LCOR: variants seen among roughly 807,000 people sequenced by gnomAD.
LCOR encodes the protein ligand-dependent corepressor.
Under a neutral mutation model 64.4 loss-of-function variants are expected in LCOR, and 14 were observed. That is an observed-to-expected ratio of 0.22 (90% confidence interval 0.14 to 0.34). The LOEUF is 0.34. Ranked by LOEUF, LCOR falls within the 10% of genes least tolerant of loss-of-function variation. LCOR has a pLI of 1.00. For synonymous variants in LCOR, 643 were observed against 642.5 expected (o/e 1.00, Z -0.01); for missense variants, 1,686 against 1,765.3 (o/e 0.96, Z 0.80).
intron 2 of LCOR, among the ~76,000 whole-genome samples, chr10:96,870,045 G>T (rs10882853): frequency 0.35 from 52,784 of 151,112 alleles, 12,935 homozygotes; most frequent in African/African-American, 0.69. Flanking sequence ...TTCTTTGTTT[G>T]TTGTTGTTGT....
In LCOR at chr10:96,995,722, T is replaced by C. The variant is rs1219725462; in HGVS notation, c.*10588T>C. The C allele has an allele frequency of 6.6e-6, 1 of 152,224 alleles. No homozygotes were observed. Among genetic ancestry groups the C allele is most frequent in the African/African-American group, 2.4e-5 (1 of 41,458 alleles). The allele number at this position is 152,224 out of a possible 1,614,324, so 9.4% of individuals were successfully genotyped here. A position where few individuals can be genotyped will look rare whatever the true frequency, so the allele number is the denominator to read the frequency against. On this transcript the variant is annotated 3_prime_UTR_variant, in exon 8 of 8. Coordinates refer to ENST00000421806, the MANE Select transcript of LCOR (RefSeq NM_001346516.2). This position sits in a 1 kb window ranked among gnomAD's most constrained non-coding sequence, Gnocchi z 4.2. ...ACTTCTTGTGCTTCTGTGTTTTGCTTTCCTATCAGGCCATGTAGGAAACTG... is the reference window on the plus strand; with the variant it reads ...ACTTCTTGTGCTTCTGTGTTTTGCTCTCCTATCAGGCCATGTAGGAAACTG...
At chr10:96,977,938 C>T (rs1023353201) in intron 7 of LCOR, among the ~76,000 whole-genome samples, 2 of 152,282 alleles carry the variant, frequency 1.3e-5, no homozygotes, top group Admixed American at 1.3e-4. Context: ...TGGAGAATTT[C>T]CAAGTGGTAG....
intron 7 of LCOR, chr10:96,956,428 GA>G: frequency 2.0e-6 from 2 of 985,140 alleles, no homozygotes; most frequent in Non-Finnish European, 2.4e-6. Context: ...TTAAACTAAA[GA>G]AAAAACTAAG....
At position 96,899,681 on chromosome 10, in the gene LCOR, A is replaced by G. The variant is rs892618590; in HGVS notation, c.-329-7584A>G. 3.3e-5 allele frequency among the ~76,000 whole-genome samples: 5 copies of G among 152,080 alleles called. No individual in the cohort carries two copies. The East Asian group carries it at 7.7e-4, about 23-fold the overall frequency. ...GATTAATAAAACCTTAGATACTTAA[A>G]TAAATCTTGTAAATCTAATAATTTA... On this transcript the variant is annotated intron_variant, in intron 2 of 7. Transcript: ENST00000421806.
chr10:96,950,973 CTCTT>C (rs1339572997), intron 6 of LCOR, among the ~76,000 whole-genome samples: 2 of 152,016 alleles, frequency 1.3e-5, no homozygotes, highest in Non-Finnish European at 2.9e-5. Flanking sequence ...AAGGACAAAA[CTCTT>C]TCTTATGAGT....
At chr10:96,958,205 A>G (rs1339980843) in intron 7 of LCOR, 11 of 1,290,932 alleles carry the variant, frequency 8.5e-6, no homozygotes, top group Admixed American at 3.5e-5. Flanking sequence ...GCTTGCTTTT[A>G]TCCCCTCTCA....
chr10:96,920,769 C>T (rs1360637037), intron 4 of LCOR, among the ~76,000 whole-genome samples: 1 of 121,788 alleles, frequency 8.2e-6, no homozygotes, highest in Non-Finnish European at 1.6e-5. Flanking sequence ...CACACACACA[C>T]ACACACACAC....
At position 96,994,370 on chromosome 10, in the gene LCOR, C is replaced by T. The variant is rs1029538017; in HGVS notation, c.*9236C>T. ...GCAGTCACTCCTCCATTTCTCCCAGCGTGTCCAGTTCAGCAGATTTCTAAA... is the reference window on the plus strand; with the variant it reads ...GCAGTCACTCCTCCATTTCTCCCAGTGTGTCCAGTTCAGCAGATTTCTAAA... On this transcript the variant is annotated 3_prime_UTR_variant, in exon 8 of 8. Transcript: ENST00000421806. 5.9e-5 allele frequency: 9 copies of T among 152,216 alleles called. No individual in the cohort carries two copies. The highest frequency in any genetic ancestry group is 3.9e-4 in the Admixed American group (6 of 15,282). The allele number at this position is 152,216 out of a possible 1,614,324, so 9.4% of individuals were successfully genotyped here. A position where few individuals can be genotyped will look rare whatever the true frequency, so the allele number is the denominator to read the frequency against.
At chr10:96,884,031 TTAAA>T (rs761154120) in intron 2 of LCOR, among the ~76,000 whole-genome samples, 1 of 147,812 alleles carries the variant, frequency 6.8e-6, no homozygotes, top group Admixed American at 6.6e-5. Flanking sequence ...GTTTATACTG[TTAAA>T]TATATAATAA....
At chr10:96,866,587 C>A (rs937292599) in intron 2 of LCOR, among the ~76,000 whole-genome samples, 7 of 152,006 alleles carry the variant, frequency 4.6e-5, no homozygotes, top group Non-Finnish European at 8.8e-5. Context: ...GCCAAATAAC[C>A]CTTTCTTTTG....
intron 2 of LCOR, among the ~76,000 whole-genome samples, chr10:96,877,673 A>C (rs1247688359): frequency 1.6e-5 from 2 of 122,930 alleles, no homozygotes; most frequent in Non-Finnish European, 3.1e-5. Flanking sequence ...GTGCAGTGGT[A>C]CAGTCTCAGC....
chr10:96,976,127 C>A (rs977100590), intron 7 of LCOR, among the ~76,000 whole-genome samples: 3 of 152,174 alleles, frequency 2.0e-5, no homozygotes, highest in Admixed American at 6.5e-5. Flanking sequence ...GACAAGAATA[C>A]CCTGGTACCT....
chr10:96,955,132 C>T (rs773357997), intron 7 of LCOR: 1 of 1,614,198 alleles, frequency 6.2e-7, no homozygotes. Context: ...CAATTGTCCA[C>T]AGCTGCCAGC....
At chr10:96,943,016 T>C (rs954113770) in intron 4 of LCOR, among the ~76,000 whole-genome samples, 1 of 152,176 alleles carries the variant, frequency 6.6e-6, no homozygotes, top group Admixed American at 6.5e-5. Flanking sequence ...GCTCCTGCAG[T>C]CTGGGATTAG....
At chr10:96,963,714 T>G (rs962536184) in intron 7 of LCOR, 4 of 152,252 alleles carry the variant, frequency 2.6e-5, no homozygotes, top group Non-Finnish European at 5.9e-5. Flanking sequence ...TTTAGTCCTT[T>G]GCATCTTTAA....
Position 96,984,273 on chromosome 10 carries a change from A to C in LCOR, c.3813A>C (p.Glu1271Asp), listed in dbSNP as rs1213197268. ...AGAATCCTGATCAAGTGGAGCCAGA[A>C]GATGGCAGTGATGTCAGCCCCGGCC... The part of the protein sequence containing the change: ...FRENPDQVEP[E>D]DGSDVSPGPN... The change falls in exon 8 of 8, where the codon GAA becomes GAC. Residue 1271 changes from glutamate to aspartate, a missense_variant. Glu to Asp is a conservative substitution (Grantham distance 45). Around this residue, in one of 3 missense-constraint regions of LCOR, gnomAD observed 1,293 missense variants for 1,410.4 expected, o/e 0.92. Transcript: ENST00000421806. 6.2e-7 allele frequency: 1 copy of C among 1,614,222 alleles called. No homozygotes were observed. The highest frequency in any genetic ancestry group is 2.2e-5 in the East Asian group (1 of 44,892).
chr10:96,832,613 C>G (rs1349339762), intron 1 of LCOR, among the ~76,000 whole-genome samples: 1 of 149,644 alleles, frequency 6.7e-6, no homozygotes, highest in Non-Finnish European at 1.5e-5. Flanking sequence ...GGCCCCTCCC[C>G]TCCGCGCGCC....
intron 7 of LCOR, among the ~76,000 whole-genome samples, chr10:96,969,328 A>G (rs1298610695): frequency 1.3e-5 from 2 of 152,236 alleles, no homozygotes; most frequent in African/African-American, 4.8e-5. Context: ...GAAACCTGGA[A>G]TGCTGCTTTC....
intron 7 of LCOR, among the ~76,000 whole-genome samples, chr10:96,970,313 G>A (rs957275607): frequency 3.9e-5 from 6 of 152,032 alleles, no homozygotes; most frequent in African/African-American, 1.2e-4. Flanking sequence ...CACAAGAATC[G>A]CTTGAGCCCG....
Sources: gnomAD v4.1 joint callset for allele counts (sites outside exome capture counted in the v4.1 genomes callset) on GRCh38, gnomAD v4.1.1 for gene constraint, gnomAD v4.1.1 regional missense constraint, Gnocchi (gnomAD v3.1) non-coding constraint, MANE v1.5 for transcripts, NCBI Gene and HGNC (gene_info 2026-07-23, HGNC 2026-07-21) for gene names.